The following HEATR5A variants were observed in gnomAD, a reference collection of about 807,000 sequenced individuals.
HEATR5A encodes the protein HEAT repeat containing 5A.
A neutral mutation model predicts 218.8 loss-of-function variants in HEATR5A; 178 were observed. The ratio of observed to expected loss-of-function variants is 0.81; its 90% CI spans 0.72 to 0.92. HEATR5A has a LOEUF of 0.92. HEATR5A is among the 40% of genes least tolerant of loss of function. HEATR5A has a pLI of 0.00. For synonymous variants in HEATR5A, 864 were observed against 871.6 expected, an observed-to-expected ratio of 0.99 and a Z score of 0.15; for missense variants, 2,420 against 2,418.9, an observed-to-expected ratio of 1.00 and a Z score of -0.01.
At chr14:31,344,141 A>G in intron 20 of HEATR5A, 76 bp from the exon 21 acceptor site, 1 of 825,566 alleles carries the variant, frequency 1.2e-6, no homozygotes, top group Non-Finnish European at 1.7e-6. Flanking sequence ...TACAGGTTTT[A>G]AAATTTACTT....
At chr14:31,408,128 A>C (rs933289609) in intron 1 of HEATR5A, among the ~76,000 whole-genome samples, 3 of 152,172 alleles carry the variant, frequency 2.0e-5, no homozygotes, top group African/African-American at 7.2e-5. Context: ...ACTCCTAGTT[A>C]CTCAGTCATC....
chr14:31,295,987 T>C lies in HEATR5A; in HGVS notation c.5541A>G (p.Pro1847=). Residue 1847 remains proline, a synonymous_variant, in exon 34 of 36, where the codon CCA becomes CCG. Coordinates refer to ENST00000543095, the MANE Select transcript of HEATR5A (RefSeq NM_015473.4). ...AITVFILSTS[P]EVTTIPCLQK... is the part of the protein sequence containing the mutation. ...GAAGGCATGGGATGGTAGTTACTTC[T>C]GGACTGGTAGACAAAATAAACACTG... The C allele has an allele frequency of 1.2e-6, 2 of 1,613,428 alleles. No individual in the cohort carries two copies. Among genetic ancestry groups the C allele is most frequent in the Non-Finnish European group, 1.7e-6 (2 of 1,179,442 alleles).
chr14:31,341,178 A>G (rs1163762056), intron 21 of HEATR5A, among the ~76,000 whole-genome samples: 4 of 152,256 alleles, frequency 2.6e-5, no homozygotes, highest in African/African-American at 7.2e-5. Flanking sequence ...AAATCATTTT[A>G]CAGCTTGAAT....
chr14:31,335,607 A>G (rs923401452), intron 22 of HEATR5A, among the ~76,000 whole-genome samples: 2 of 152,228 alleles, frequency 1.3e-5, no homozygotes, highest in Non-Finnish European at 2.9e-5. Flanking sequence ...CGTGAAGTCT[A>G]TAACTTTCTA....
chr14:31,294,429 A>AT (rs3033605), intron 34 of HEATR5A, among the ~76,000 whole-genome samples: 107,733 of 142,562 alleles, frequency 0.76, 41,064 homozygotes, highest in Middle Eastern at 0.84. Context: ...CTCCTGTAAC[A>AT]TTTTTTTTTT....
chr14:31,362,871 A>G (rs1455332533), intron 14 of HEATR5A, among the ~76,000 whole-genome samples: 1 of 152,112 alleles, frequency 6.6e-6, no homozygotes, highest in African/African-American at 2.4e-5. Flanking sequence ...TGTTTATTGA[A>G]GAGTTGAGCA....
At chr14:31,341,549 C>T (rs1379494330) in intron 21 of HEATR5A, among the ~76,000 whole-genome samples, 1 of 152,024 alleles carries the variant, frequency 6.6e-6, no homozygotes, top group Non-Finnish European at 1.5e-5. Flanking sequence ...GTGCACACCA[C>T]CATGCCCGGA....
chr14:31,296,753 A>G (rs1022781107), intron 33 of HEATR5A: 6 of 152,206 alleles, frequency 3.9e-5, no homozygotes, highest in African/African-American at 1.4e-4. Flanking sequence ...GTGGAAAAAA[A>G]ATCACTGTTA....
chr14:31,308,939 A>G lies in HEATR5A; in HGVS notation c.4685T>C (p.Ile1562Thr). Reference sequence around the variant, plus strand: ...GTAAAAGTGGTTTAACTGACCTAAAATAAGATGGAATCTATCAGTGTAGAC... The same window carrying G: ...GTAAAAGTGGTTTAACTGACCTAAAGTAAGATGGAATCTATCAGTGTAGAC... ...EDVYTDRFHLILGISVEFLCS... is the reference protein window; with the variant it reads ...EDVYTDRFHLTLGISVEFLCS... The change falls in exon 29 of 36, where the codon ATT becomes ACT. Residue 1562 changes from isoleucine to threonine, a missense_variant. Coordinates refer to ENST00000543095, the MANE Select transcript of HEATR5A (RefSeq NM_015473.4). 6.2e-7 allele frequency: 1 copy of G among 1,611,408 alleles called. No individual in the cohort carries two copies.
In HEATR5A at chr14:31,302,456, A is replaced by C; in HGVS notation, c.5303T>G (p.Val1768Gly). The C allele has an allele frequency of 6.3e-7, 1 of 1,597,802 alleles. No individual in the cohort carries two copies. ...LTIGVLRETAVKLPGGQLSST... is the reference protein window; with the variant it reads ...LTIGVLRETAGKLPGGQLSST... ...AGATAACTGGCCCCCAGGTAACTTC[A>C]CAGCAGTCTCTCTGAGGACCCCGAT... The change falls in exon 33 of 36, where the codon GTG (valine) becomes GGG (glycine). Residue 1768 changes from valine (V) to glycine (G), a missense_variant. Coordinates refer to ENST00000543095, the MANE Select transcript of HEATR5A (RefSeq NM_015473.4).
intron 22 of HEATR5A, among the ~76,000 whole-genome samples, chr14:31,336,741 G>A (rs547756402): frequency 1.3e-5 from 2 of 152,268 alleles, no homozygotes; most frequent in East Asian, 1.9e-4. Flanking sequence ...TTATTTAAGG[G>A]CTAATCCCAT....
At chr14:31,344,268 C>CTTTTTTTTTTTTTTTG in intron 20 of HEATR5A, among the ~76,000 whole-genome samples, 1 of 50,812 alleles carries the variant, frequency 2.0e-5, no homozygotes, top group Non-Finnish European at 3.7e-5. Context: ...ATTAGTTATT[C>CTTTTTTTTTTTTTTTG]TTTTTTTTTT....
intron 4 of HEATR5A, among the ~76,000 whole-genome samples, chr14:31,397,311 G>A (rs2030691397): frequency 6.6e-6 from 1 of 152,102 alleles, no homozygotes; most frequent in Non-Finnish European, 1.5e-5. Context: ...AGTGACAAGA[G>A]TAACCAGTGT....
At chr14:31,409,701 A>G (rs1420114477) in intron 1 of HEATR5A, among the ~76,000 whole-genome samples, 3 of 152,200 alleles carry the variant, frequency 2.0e-5, no homozygotes, top group Non-Finnish European at 2.9e-5. Context: ...CAAAACAAAC[A>G]AAACCAACCA....
At chr14:31,399,542 C>T (rs368749749) in intron 3 of HEATR5A, among the ~76,000 whole-genome samples, 18 of 152,150 alleles carry the variant, frequency 1.2e-4, no homozygotes, top group African/African-American at 3.4e-4. Context: ...AGAATTATGA[C>T]ATGGTGGCCA....
intron 16 of HEATR5A, among the ~76,000 whole-genome samples, chr14:31,352,683 C>T (rs1347162529): frequency 3.3e-5 from 5 of 152,108 alleles, no homozygotes; most frequent in African/African-American, 9.7e-5. Context: ...AAAGGCCAGG[C>T]GCAATGGCAA....
chr14:31,321,351 G>T, intron 25 of HEATR5A, 148 bp downstream of exon 25: 1 of 518,552 alleles, frequency 1.9e-6, no homozygotes, highest in South Asian at 3.7e-5. Context: ...TCGTCATGCT[G>T]CCCGGTCTTG....
Position 31,292,424 on chromosome 14 carries a change from A to G in HEATR5A, c.*881T>C, listed in dbSNP as rs1285441530. 1 of 152,220 alleles carries G rather than the reference A, an allele frequency of 6.6e-6. No homozygotes were observed. The highest frequency in any genetic ancestry group is 1.5e-5 in the Non-Finnish European group (1 of 68,038). The allele number at this position is 152,220 out of a possible 1,614,324, so 9.4% of individuals were successfully genotyped here. A position where few individuals can be genotyped will look rare whatever the true frequency, so the allele number is the denominator to read the frequency against. On this transcript the variant is annotated 3_prime_UTR_variant, in exon 36 of 36. Transcript: ENST00000543095. Reference sequence around the variant, plus strand: ...AACCAAAAGATGGTGGAAAACCATGATATAGACACCAAATCTTATGTTGCA... The same window carrying G: ...AACCAAAAGATGGTGGAAAACCATGGTATAGACACCAAATCTTATGTTGCA...
At chr14:31,293,789 T>C in intron 35 of HEATR5A, 102 bp downstream of exon 35, 1 of 1,079,400 alleles carries the variant, frequency 9.3e-7, no homozygotes, top group South Asian at 1.5e-5. Context: ...TTTCAATGAA[T>C]GTGAAATACA....
Sources: gnomAD v4.1 joint callset for allele counts (sites outside exome capture counted in the v4.1 genomes callset) on GRCh38, gnomAD v4.1.1 for gene constraint, MANE v1.5 for transcripts, NCBI Gene and HGNC (gene_info 2026-07-23, HGNC 2026-07-21) for gene names.